FSTL4: variants seen among roughly 807,000 people sequenced by gnomAD.
FSTL4 encodes follistatin-related protein 4.
In FSTL4, 28 loss-of-function variants were observed where a neutral mutation model predicts 78.2. That is an observed-to-expected ratio of 0.36 (90% CI 0.27 to 0.49). The LOEUF is 0.49. FSTL4 is among the 20% of genes least tolerant of loss of function. The pLI, the probability that FSTL4 is intolerant of heterozygous loss-of-function variation, is 0.98. For missense variants in FSTL4, 922 were observed against 1,084.9 expected (o/e 0.85, Z 2.11); for synonymous variants, 422 against 440.5 (o/e 0.96, Z 0.53).
chr5:133,227,160 C>A lies in FSTL4; in HGVS notation c.1016-1341G>T, dbSNP rs117660927. Among the ~76,000 whole-genome samples, 95 of 152,320 alleles carry A rather than the reference C, an allele frequency of 6.2e-4. No homozygotes were observed. In the East Asian group the frequency reaches 0.017, roughly 28 times the overall value. On this transcript the variant is annotated intron_variant, in intron 8 of 15. Coordinates refer to ENST00000265342, the MANE Select transcript of FSTL4 (RefSeq NM_015082.2). The stretch of plus-strand genomic sequence containing the variant: ...CTGTTTCAATAACATGAGCTCAGGG[C>A]ACCCAATGCCAAACCACACAGAGAC...
intron 10 of FSTL4, chr5:133,224,491 A>T: frequency 3.1e-6 from 1 of 320,718 alleles, no homozygotes; most frequent in Non-Finnish European, 5.7e-6. Context: ...AATTTCTCAC[A>T]TTTCATGGAT....
At chr5:133,582,884 C>T (rs904916039) in intron 2 of FSTL4, among the ~76,000 whole-genome samples, 34 of 152,290 alleles carry the variant, frequency 2.2e-4, no homozygotes, top group African/African-American at 7.9e-4. Flanking sequence ...CCTCTCCTCA[C>T]TCATGGGCAG....
intron 3 of FSTL4, among the ~76,000 whole-genome samples, chr5:133,461,584 A>G (rs768594789): frequency 4.0e-5 from 6 of 151,670 alleles, no homozygotes; most frequent in Non-Finnish European, 8.8e-5. Flanking sequence ...CCGAATTAGC[A>G]AAGAAATTCT....
chr5:133,210,411 A>G (rs1228282757), intron 13 of FSTL4, 113 bp from the exon 14 acceptor site: 1 of 544,678 alleles, frequency 1.8e-6, no homozygotes, highest in Non-Finnish European at 3.3e-6. Flanking sequence ...AAGCCTTGCC[A>G]ATGGTTCCAT....
intron 3 of FSTL4, chr5:133,427,585 A>T (rs763090990): frequency 9.8e-6 from 5 of 510,908 alleles, no homozygotes; most frequent in Admixed American, 2.0e-5. Flanking sequence ...GGCGGGGGGA[A>T]GGGCGGGAAT....
the FSTL4 span, among the ~76,000 whole-genome samples, chr5:133,722,896 T>C: frequency 6.6e-6 from 1 of 152,228 alleles, no homozygotes; most frequent in Admixed American, 6.5e-5. Context: ...AGTGCCTCAA[T>C]GGTCTGGGCT....
At chr5:133,628,365 T>TC in the FSTL4 span, among the ~76,000 whole-genome samples, 1 of 138,708 alleles carries the variant, frequency 7.2e-6, no homozygotes, top group East Asian at 1.9e-4. Context: ...TCTTTTCTTT[T>TC]CTTTTTTTTT....
At chr5:133,289,675 T>C (rs1753212501) in intron 6 of FSTL4, among the ~76,000 whole-genome samples, 1 of 152,240 alleles carries the variant, frequency 6.6e-6, no homozygotes, top group Admixed American at 6.5e-5. Context: ...ACTCTGGGAC[T>C]AGTCCTGCAG....
the FSTL4 span, among the ~76,000 whole-genome samples, chr5:133,820,621 T>C: frequency 1.3e-5 from 2 of 152,272 alleles, no homozygotes; most frequent in South Asian, 4.1e-4. Flanking sequence ...ATAGTTACTT[T>C]ACAGGAAGAA....
chr5:133,198,396 C>G lies in FSTL4; in HGVS notation c.*699G>C, dbSNP rs1750206037. On this transcript the variant is annotated 3_prime_UTR_variant, in exon 16 of 16. Coordinates refer to ENST00000265342, the MANE Select transcript of FSTL4 (RefSeq NM_015082.2). ...TGTGGGATGTGGGGTTGTGACCACC[C>G]CCGAGACTCGGCCTAAGGCAGGGAA... is the stretch of plus-strand genomic sequence containing the variant. 6.6e-6 allele frequency: 1 copy of G among 152,366 alleles called. No homozygotes were observed. Among genetic ancestry groups the G allele is most frequent in the Admixed American group, 6.5e-5 (1 of 15,272 alleles). The allele number at this position is 152,366 out of a possible 1,614,324, so 9.4% of individuals were successfully genotyped here.
At chr5:133,389,516 C>A (rs1458937609) in intron 4 of FSTL4, among the ~76,000 whole-genome samples, 1 of 152,200 alleles carries the variant, frequency 6.6e-6, no homozygotes, top group African/African-American at 2.4e-5. Flanking sequence ...CTTTCTGACA[C>A]CCCTGCCCCT....
chr5:133,283,943 G>A (rs1034724013), intron 6 of FSTL4, among the ~76,000 whole-genome samples: 1 of 152,178 alleles, frequency 6.6e-6, no homozygotes, highest in Non-Finnish European at 1.5e-5. Flanking sequence ...AAGAGCAAAG[G>A]CGGAAGTGCT....
the FSTL4 span, among the ~76,000 whole-genome samples, chr5:133,669,742 C>T: frequency 2.6e-5 from 4 of 152,188 alleles, no homozygotes; most frequent in African/African-American, 7.2e-5. Flanking sequence ...TCTGAGGCTG[C>T]GAGTGCCTCT....
intron 3 of FSTL4, among the ~76,000 whole-genome samples, chr5:133,524,592 G>A (rs1411502771): frequency 2.6e-5 from 4 of 152,200 alleles, no homozygotes; most frequent in Non-Finnish European, 4.4e-5. Context: ...ACCACAGAAC[G>A]TGTGCTTCTT....
At chr5:133,445,268 T>C (rs1310903538) in intron 3 of FSTL4, among the ~76,000 whole-genome samples, 1 of 152,204 alleles carries the variant, frequency 6.6e-6, no homozygotes, top group African/African-American at 2.4e-5. Flanking sequence ...TCTATGGGGA[T>C]TTCCAGGTGA....
At chr5:133,818,573 A>G in the FSTL4 span, among the ~76,000 whole-genome samples, 1 of 152,108 alleles carries the variant, frequency 6.6e-6, no homozygotes, top group African/African-American at 2.4e-5. Flanking sequence ...CACCACAGAA[A>G]CACACTGCCA....
At chr5:133,283,260 G>A (rs1442608812) in intron 6 of FSTL4, among the ~76,000 whole-genome samples, 2 of 151,852 alleles carry the variant, frequency 1.3e-5, no homozygotes, top group Non-Finnish European at 2.9e-5. Context: ...GTGTGTGTGT[G>A]TGTCTGTGTG....
intron 4 of FSTL4, among the ~76,000 whole-genome samples, chr5:133,333,237 A>G (rs557700352): frequency 1.9e-4 from 29 of 152,312 alleles, no homozygotes; most frequent in African/African-American, 6.5e-4. Context: ...AGGTTTTGGA[A>G]TGATGTAGTC....
At chr5:133,325,798 C>A (rs1315827839) in intron 4 of FSTL4, among the ~76,000 whole-genome samples, 2 of 152,178 alleles carry the variant, frequency 1.3e-5, no homozygotes, top group Non-Finnish European at 2.9e-5. Context: ...GAGAACCCCC[C>A]CAGAGAGGCC....
Sources: allele counts gnomAD v4.1 joint callset (sites outside exome capture counted in the v4.1 genomes callset), GRCh38; gene constraint gnomAD v4.1.1; transcripts MANE v1.5; gene names NCBI Gene and HGNC (gene_info 2026-07-23, HGNC 2026-07-21).